The following SPATA16 variants were observed in gnomAD, a reference collection of about 807,000 sequenced individuals.
The protein encoded by SPATA16 is spermatogenesis associated 16.
A neutral mutation model predicts 63.3 loss-of-function variants in SPATA16; 36 were observed. The observed-to-expected ratio is 0.57, with a 90% confidence interval of 0.44 to 0.75. The LOEUF (loss-of-function observed/expected upper bound fraction) is 0.75. Among genes scored for constraint, SPATA16 ranks in the 30% least tolerant of loss-of-function variants. The probability of loss-of-function intolerance (pLI) is 0.00; values close to 1 mark genes in which losing one functional copy is unlikely to be tolerated. For synonymous variants in SPATA16, 203 were observed against 216.7 expected (o/e 0.94, Z 0.56); for missense variants, 646 against 679.3 (o/e 0.95, Z 0.54).
chr3:172,939,645 G>A (rs1733099111), intron 6 of SPATA16, among the ~76,000 whole-genome samples: 1 of 152,148 alleles, frequency 6.6e-6, no homozygotes, highest in Non-Finnish European at 1.5e-5. Context: ...GAAATGCAAG[G>A]GCTAAGAGTA....
intron 1 of SPATA16, among the ~76,000 whole-genome samples, chr3:173,126,921 G>T (rs550959782): frequency 3.9e-5 from 6 of 152,116 alleles, no homozygotes; most frequent in African/African-American, 1.4e-4. Flanking sequence ...GCAGAGATCC[G>T]CAAAATTAAT....
At chr3:172,991,582 A>G (rs1360365955) in intron 4 of SPATA16, among the ~76,000 whole-genome samples, 1 of 152,226 alleles carries the variant, frequency 6.6e-6, no homozygotes, top group Non-Finnish European at 1.5e-5. Flanking sequence ...GATGCAATCC[A>G]TAGCAACCTT....
intron 3 of SPATA16, among the ~76,000 whole-genome samples, chr3:173,028,047 C>CTTCCTTCT (rs1442651455): frequency 3.3e-5 from 3 of 91,742 alleles, no homozygotes; most frequent in South Asian, 4.0e-4. Context: ...TCCTTCCTTC[C>CTTCCTTCT]TTCCTTCCTT....
intron 6 of SPATA16, among the ~76,000 whole-genome samples, chr3:172,932,859 G>C (rs1337062297): frequency 6.6e-6 from 1 of 151,896 alleles, no homozygotes; most frequent in Admixed American, 6.6e-5. Flanking sequence ...AAAAAAAATT[G>C]GTTTTCATTC....
chr3:173,089,112 G>A (rs1008411391), intron 2 of SPATA16, among the ~76,000 whole-genome samples: 2 of 152,120 alleles, frequency 1.3e-5, no homozygotes, highest in African/African-American at 2.4e-5. Flanking sequence ...TGAGATCCCC[G>A]ATTTCTCATG....
chr3:172,942,908 TA>T lies in SPATA16; in HGVS notation c.1081+13768del, dbSNP rs1733189456. ...TAAACGTTTCTATACATTCAGACAT[TA>T]AAAACTGTGTATTTAAGTAAGTCAT... On this transcript the variant is annotated intron_variant, in intron 6 of 10. Coordinates refer to ENST00000351008, the MANE Select transcript of SPATA16 (RefSeq NM_031955.6). 6.1e-5 allele frequency among the ~76,000 whole-genome samples: 9 copies of T among 147,810 alleles called. No individual in the cohort carries two copies. In the South Asian group the frequency reaches 1.9e-3, roughly 31 times the overall value.
At chr3:172,921,245 T>A (rs1185968972) in intron 8 of SPATA16, among the ~76,000 whole-genome samples, 1 of 152,170 alleles carries the variant, frequency 6.6e-6, no homozygotes. Flanking sequence ...AAGAGTTGTC[T>A]GTTTGAAACA....
intron 3 of SPATA16, among the ~76,000 whole-genome samples, chr3:173,024,105 A>AT (rs150460716): frequency 0.026 from 3,865 of 151,346 alleles, 172 homozygotes; most frequent in African/African-American, 0.089. Context: ...TAGGTATGGG[A>AT]TTTTTTTCTA....
chr3:173,099,242 A>AAG (rs771364255), intron 2 of SPATA16, among the ~76,000 whole-genome samples: 2 of 151,786 alleles, frequency 1.3e-5, no homozygotes, highest in Non-Finnish European at 2.9e-5. Flanking sequence ...AAGAGACAGA[A>AAG]AGAGAGAGAG....
At chr3:172,978,196 G>T (rs538231530) in intron 4 of SPATA16, among the ~76,000 whole-genome samples, 17 of 151,350 alleles carry the variant, frequency 1.1e-4, no homozygotes, top group Non-Finnish European at 2.5e-4. Flanking sequence ...GTATTGGAAA[G>T]AAGCTGCCCA....
chr3:173,118,282 G>A (rs1577184087), intron 1 of SPATA16, among the ~76,000 whole-genome samples: 1 of 152,198 alleles, frequency 6.6e-6, no homozygotes, highest in South Asian at 2.1e-4. Context: ...AAAATCTCAA[G>A]TTTAAAAAGC....
At chr3:172,945,289 A>T (rs1733253734) in intron 6 of SPATA16, among the ~76,000 whole-genome samples, 1 of 152,102 alleles carries the variant, frequency 6.6e-6, no homozygotes, top group Non-Finnish European at 1.5e-5. Context: ...AAGAAATCTA[A>T]AAAGTAGATT....
chr3:173,084,094 G>A (rs912214297), intron 2 of SPATA16, among the ~76,000 whole-genome samples: 6 of 152,116 alleles, frequency 3.9e-5, no homozygotes, highest in East Asian at 1.9e-4. Context: ...TCAAGGAATC[G>A]TTACACTGTC....
intron 3 of SPATA16, among the ~76,000 whole-genome samples, chr3:173,047,295 AT>A (rs1040891241): frequency 5.3e-5 from 8 of 151,604 alleles, no homozygotes; most frequent in African/African-American, 1.7e-4. Context: ...TGACCATGCC[AT>A]TTGGAACCCT....
At chr3:172,980,082 C>T (rs1293603051) in intron 4 of SPATA16, among the ~76,000 whole-genome samples, 2 of 152,184 alleles carry the variant, frequency 1.3e-5, no homozygotes, top group Non-Finnish European at 2.9e-5. Context: ...TAACTCTGCC[C>T]TACTGCTCAG....
chr3:172,957,228 A>G (rs1037005900), intron 5 of SPATA16, among the ~76,000 whole-genome samples: 4 of 152,170 alleles, frequency 2.6e-5, no homozygotes, highest in Non-Finnish European at 4.4e-5. Context: ...TAAAATATCT[A>G]AAGTATATTC....
intron 10 of SPATA16, among the ~76,000 whole-genome samples, chr3:172,907,583 T>G (rs1374544045): frequency 1.8e-5 from 2 of 112,164 alleles, no homozygotes; most frequent in Non-Finnish European, 3.5e-5. Context: ...GTTTTTTTTG[T>G]TTTTTTTTTG....
At chr3:172,922,133 C>G (rs1200990150) in intron 8 of SPATA16, among the ~76,000 whole-genome samples, 1 of 152,172 alleles carries the variant, frequency 6.6e-6, no homozygotes, top group African/African-American at 2.4e-5. Context: ...CCAATTTTAT[C>G]AGTCCTCCCT....
intron 6 of SPATA16, among the ~76,000 whole-genome samples, chr3:172,955,608 G>C (rs1170647642): frequency 6.6e-6 from 1 of 152,004 alleles, no homozygotes; most frequent in East Asian, 1.9e-4. Flanking sequence ...GTTATCACTA[G>C]TGGGATTTAT....
Sources: gnomAD v4.1 joint callset for allele counts (sites outside exome capture counted in the v4.1 genomes callset) on GRCh38, gnomAD v4.1.1 for gene constraint, MANE v1.5 for transcripts, NCBI Gene and HGNC (gene_info 2026-07-23, HGNC 2026-07-21) for gene names.